Variants in KANSL1 observed in about 807,000 individuals in gnomAD.
The protein encoded by KANSL1 is KAT8 regulatory NSL complex subunit 1.
KANSL1 carries 22 observed loss-of-function variants against 103.6 expected under a neutral mutation model. That is an observed-to-expected ratio of 0.21 (90% CI 0.15 to 0.30). The LOEUF (loss-of-function observed/expected upper bound fraction) is 0.30, where lower values mean the gene tolerates loss of function less well. KANSL1 is among the 10% of genes least tolerant of loss of function. The probability of loss-of-function intolerance (pLI) is 1.00; values close to 1 mark genes in which losing one functional copy is unlikely to be tolerated. For synonymous variants in KANSL1, 600 were observed against 527.6 expected (o/e 1.14, Z -1.88); for missense variants, 1,337 against 1,399.8 (o/e 0.96, Z 0.72).
intron 4 of KANSL1, among the ~76,000 whole-genome samples, chr17:46,080,098 C>T (rs1480534631): frequency 3.3e-5 from 5 of 151,838 alleles, no homozygotes; most frequent in Non-Finnish European, 5.9e-5. Flanking sequence ...ATTCTAAAGA[C>T]GCTGATTTTT....
intron 1 of KANSL1, among the ~76,000 whole-genome samples, chr17:46,216,507 G>A (rs1845381249): frequency 6.6e-6 from 1 of 151,106 alleles, no homozygotes; most frequent in Non-Finnish European, 1.5e-5. Context: ...ACTGAGGCAG[G>A]AGAATTGCTT....
Position 46,175,212 on chromosome 17 carries a change from C to A in KANSL1, c.-89-2980G>T, listed in dbSNP as rs536799824. On this transcript the variant is annotated intron_variant, in intron 1 of 14. Transcript: ENST00000432791. ...CACAGTAAGCTTCTTTATAGTATGACAATTTGAATCATTAACATAAAAATA... is the reference window on the plus strand; with the variant it reads ...CACAGTAAGCTTCTTTATAGTATGAAAATTTGAATCATTAACATAAAAATA... 9.2e-5 allele frequency among the ~76,000 whole-genome samples: 14 copies of A among 152,116 alleles called. No individual in the cohort carries two copies. The South Asian group carries it at 2.9e-3, about 31-fold the overall frequency.
In KANSL1 at chr17:46,135,999, G is replaced by A. The variant is rs377310639; in HGVS notation, c.1289+34856C>T. On this transcript the variant is annotated intron_variant, in intron 2 of 14. Transcript: ENST00000432791. ...TTAGCTTGGGAAACTACAGAAACAT[G>A]CACATAACTACTGAGAAGGTATCAA... 2.8e-3 allele frequency among the ~76,000 whole-genome samples: 429 copies of A among 152,108 alleles called. 5 individuals carry two copies. The highest frequency in any genetic ancestry group is 3.5e-3 in the Non-Finnish European group (241 of 68,000).
intron 1 of KANSL1, among the ~76,000 whole-genome samples, chr17:46,202,144 C>T (rs1166780570): frequency 2.0e-5 from 3 of 150,980 alleles, no homozygotes; most frequent in Non-Finnish European, 2.9e-5. Flanking sequence ...CATTACTGCA[C>T]TCCAGCCTGG....
chr17:46,102,163 G>A (rs1425675962), intron 2 of KANSL1, among the ~76,000 whole-genome samples: 1 of 152,168 alleles, frequency 6.6e-6, no homozygotes, highest in Non-Finnish European at 1.5e-5. Flanking sequence ...TACATACTTC[G>A]TCTTAACCCA....
At chr17:46,112,007 C>T (rs17660847) in intron 2 of KANSL1, among the ~76,000 whole-genome samples, 21,693 of 152,038 alleles carry the variant, frequency 0.14, 2,126 homozygotes, top group Non-Finnish European at 0.22. Flanking sequence ...CTGAAAGCAA[C>T]TGTATTTCCC....
intron 1 of KANSL1, among the ~76,000 whole-genome samples, chr17:46,190,200 T>C (rs1221611505): frequency 6.6e-6 from 1 of 152,210 alleles, no homozygotes; most frequent in Non-Finnish European, 1.5e-5. Flanking sequence ...TTAGTGACAG[T>C]GAAGAAAAAA....
At chr17:46,149,746 G>A (rs968613387) in intron 2 of KANSL1, among the ~76,000 whole-genome samples, 11 of 152,078 alleles carry the variant, frequency 7.2e-5, no homozygotes, top group Non-Finnish European at 1.3e-4. Context: ...GGTGGCTCAC[G>A]CCTGTAATGC....
chr17:46,039,328 A>T, intron 8 of KANSL1, 113 bp from the exon 9 acceptor site: 1 of 986,456 alleles, frequency 1.0e-6, no homozygotes, highest in Non-Finnish European at 1.4e-6. Context: ...CCAGGGCAGC[A>T]GGACAGTCCT....
intron 1 of KANSL1, among the ~76,000 whole-genome samples, chr17:46,174,740 T>C (rs1049924573): frequency 2.0e-5 from 3 of 152,208 alleles, no homozygotes; most frequent in Admixed American, 6.5e-5. Context: ...AGCGGCACAA[T>C]CATGGCTCAC....
intron 1 of KANSL1, among the ~76,000 whole-genome samples, chr17:46,219,051 A>G (rs1402387555): frequency 6.6e-6 from 1 of 152,098 alleles, no homozygotes; most frequent in Non-Finnish European, 1.5e-5. Context: ...ACCTGAGGTC[A>G]GGAGTTTAAG....
intron 2 of KANSL1, among the ~76,000 whole-genome samples, chr17:46,156,013 G>A (rs933917088): frequency 6.6e-6 from 1 of 152,092 alleles, no homozygotes; most frequent in Non-Finnish European, 1.5e-5. Context: ...GAAATACCTT[G>A]TAAATATCAG....
At chr17:46,032,573 A>G (rs1393807386) in intron 13 of KANSL1, 1 of 407,870 alleles carries the variant, frequency 2.5e-6, no homozygotes, top group East Asian at 3.6e-5. Flanking sequence ...ATTCGTGTAG[A>G]CTTTGAAAAC....
intron 1 of KANSL1, among the ~76,000 whole-genome samples, chr17:46,203,610 CA>C (rs2047873599): frequency 6.6e-6 from 1 of 152,122 alleles, no homozygotes. Context: ...TCAAAAAATC[CA>C]AAGCTAAAAA....
intron 2 of KANSL1, among the ~76,000 whole-genome samples, chr17:46,105,340 A>G (rs62061817): frequency 0.14 from 21,699 of 151,978 alleles, 2,127 homozygotes; most frequent in Non-Finnish European, 0.22. Context: ...CTTGAGGCCG[A>G]GCATGGTGGC....
intron 2 of KANSL1, among the ~76,000 whole-genome samples, chr17:46,162,334 G>C (rs1217554683): frequency 6.6e-6 from 1 of 152,244 alleles, no homozygotes; most frequent in Non-Finnish European, 1.5e-5. Flanking sequence ...ATTTATAACA[G>C]AATGTGGACC....
chr17:46,220,072 T>C (rs1376094560), intron 1 of KANSL1, among the ~76,000 whole-genome samples: 1 of 151,988 alleles, frequency 6.6e-6, no homozygotes, highest in African/African-American at 2.4e-5. Flanking sequence ...CACTGCACTC[T>C]AGCCTAGGTG....
At chr17:46,064,053 T>TAAAAAAAAAAAAAAAAAAAA in intron 6 of KANSL1, among the ~76,000 whole-genome samples, 1 of 105,726 alleles carries the variant, frequency 9.5e-6, no homozygotes, top group African/African-American at 3.5e-5. Context: ...CGACTATTAG[T>TAAAAAAAAAAAAAAAAAAAA]AAAAAAAAAA....
chr17:46,125,734 C>T (rs1197220854), intron 2 of KANSL1, among the ~76,000 whole-genome samples: 1 of 152,180 alleles, frequency 6.6e-6, no homozygotes. Context: ...TGTCAGAGTA[C>T]CCTTTTGATC....
Sources: gnomAD v4.1 joint callset for allele counts (sites outside exome capture counted in the v4.1 genomes callset) on GRCh38, gnomAD v4.1.1 for gene constraint, MANE v1.5 for transcripts, NCBI Gene and HGNC (gene_info 2026-07-23, HGNC 2026-07-21) for gene names.